PDE6B: variants seen among roughly 807,000 people sequenced by gnomAD.
PDE6B encodes phosphodiesterase 6B, also known as rod cGMP-specific 3',5'-cyclic phosphodiesterase subunit beta.
In PDE6B, 106 loss-of-function variants were observed where a neutral mutation model predicts 109.0. That is an observed-to-expected ratio of 0.97 (90% CI 0.83 to 1.14). The LOEUF (loss-of-function observed/expected upper bound fraction) is 1.14, where lower values mean the gene tolerates loss of function less well. Among genes scored for constraint, PDE6B ranks in the 50% most tolerant of loss-of-function variants. PDE6B has a pLI of 0.00. For synonymous variants in PDE6B, 490 were observed against 471.3 expected (o/e 1.04, Z -0.51); for missense variants, 1,193 against 1,155.6 (o/e 1.03, Z -0.47).
At chr4:645,457 G>A (rs530551746) in intron 3 of PDE6B, among the ~76,000 whole-genome samples, 8 of 151,512 alleles carry the variant, frequency 5.3e-5, no homozygotes, top group South Asian at 2.1e-4. Context: ...CACCACGCCC[G>A]GCTAATTTTT....
intron 17 of PDE6B, among the ~76,000 whole-genome samples, 162 bp downstream of exon 17, chr4:664,383 C>T (rs1487246270): frequency 2.6e-5 from 4 of 152,172 alleles, no homozygotes; most frequent in Non-Finnish European, 5.9e-5. Flanking sequence ...GTCCTTATTT[C>T]CCCCCAGCTC....
chr4:645,549 C>T (rs1329216356), intron 3 of PDE6B, among the ~76,000 whole-genome samples: 1 of 151,968 alleles, frequency 6.6e-6, no homozygotes. Flanking sequence ...CCCGCCTCGG[C>T]CTCCCAAAGT....
chr4:664,083 C>T (rs760468608), intron 16 of PDE6B, 31 bp from the exon 17 acceptor site: 12 of 1,455,816 alleles, frequency 8.2e-6, no homozygotes, highest in South Asian at 6.8e-5. Flanking sequence ...CACTTGCTCC[C>T]ACCTGCACCT....
At chr4:641,803 T>G (rs544677887) in intron 3 of PDE6B, among the ~76,000 whole-genome samples, 1 of 152,132 alleles carries the variant, frequency 6.6e-6, no homozygotes, top group Non-Finnish European at 1.5e-5. Flanking sequence ...TGCATCACCA[T>G]GCCCACCTAA....
intron 20 of PDE6B, 30 bp from the exon 21 acceptor site, chr4:667,826 G>A: frequency 1.2e-6 from 2 of 1,609,266 alleles, no homozygotes; most frequent in Middle Eastern, 1.7e-4. Flanking sequence ...GGCAGGACAG[G>A]ACTGGTGGTG....
intron 3 of PDE6B, among the ~76,000 whole-genome samples, chr4:641,708 G>A (rs945269951): frequency 1.3e-5 from 2 of 152,192 alleles, no homozygotes; most frequent in African/African-American, 4.8e-5. Context: ...GTGCAGTGGT[G>A]CAATCTCAGC....
rs769174906 is a variant in PDE6B at position 654,851 on chromosome 4, T to C, written c.955T>C (p.Tyr319His). ...AATTGTCTTCTACAAAGTGATCGAC[T>C]ACGTCCTCCACGGCAAGGAGGAGAT... The part of the protein sequence containing the change: ...REIVFYKVID[Y>H]VLHGKEEIKV... Residue 319 changes from tyrosine to histidine, a missense_variant, in exon 6 of 22, where the codon TAC (tyrosine) becomes CAC (histidine). Coordinates refer to ENST00000496514, the MANE Select transcript of PDE6B (RefSeq NM_000283.4). The C allele has an allele frequency of 6.3e-7, 1 of 1,577,978 alleles. No homozygotes were observed. The highest frequency in any genetic ancestry group is 1.1e-5 in the South Asian group (1 of 90,344).
Position 664,952 on chromosome 4 carries a change from C to T in PDE6B, c.2193+8C>T, listed in dbSNP as rs373237574. 1 of 1,607,616 alleles carries T rather than the reference C, an allele frequency of 6.2e-7. No homozygotes were observed. The highest frequency in any genetic ancestry group is 8.5e-7 in the Non-Finnish European group (1 of 1,174,910). ...TGGGAAGTCCAGAGCAAGGTTAGAA[C>T]AGAGGGCCCTCCAGACCCAGAGTCA... On this transcript the variant is annotated splice_region_variant and intron_variant, in intron 18 of 21. Coordinates refer to ENST00000496514, the MANE Select transcript of PDE6B (RefSeq NM_000283.4).
At chr4:635,733 T>C (rs1455701592) in intron 2 of PDE6B, 147 bp from the exon 3 acceptor site, 2 of 700,514 alleles carry the variant, frequency 2.9e-6, no homozygotes, top group Non-Finnish European at 5.3e-6. Context: ...TGAGCTTGTG[T>C]GTGCCAATCC....
At chr4:658,900 CT>C in intron 10 of PDE6B, 51 bp from the exon 11 acceptor site, 1 of 1,360,332 alleles carries the variant, frequency 7.4e-7, no homozygotes, top group South Asian at 1.2e-5. Flanking sequence ...CCGCCGTCAC[CT>C]TGTCCCACAT....
chr4:649,755 G>A (rs1181278485), intron 3 of PDE6B, among the ~76,000 whole-genome samples: 1 of 152,174 alleles, frequency 6.6e-6, no homozygotes, highest in Non-Finnish European at 1.5e-5. Context: ...CAGGGTCGGG[G>A]GGAGACTCTG....
At chr4:652,202 CAG>C (rs1735640981) in intron 3 of PDE6B, 1 of 152,540 alleles carries the variant, frequency 6.6e-6, no homozygotes, top group Non-Finnish European at 1.5e-5. Flanking sequence ...GGCTGGTGCT[CAG>C]GGGCTGCAGG....
chr4:653,853 T>C lies in PDE6B; in HGVS notation c.713T>C (p.Val238Ala). Residue 238 changes from valine to alanine, a missense_variant and splice_region_variant, in exon 4 of 22, where the codon GTG (valine) becomes GCG (alanine). Physicochemically the swap from Val to Ala is moderately conservative, Grantham distance 64. Coordinates refer to ENST00000496514, the MANE Select transcript of PDE6B (RefSeq NM_000283.4). ...CCACAGGTGTGCCCCTCCCTCCAGGTGCTGCTGTGGTCGGCCAACAAGGTG... is the reference window on the plus strand; with the variant it reads ...CCACAGGTGTGCCCCTCCCTCCAGGCGCTGCTGTGGTCGGCCAACAAGGTG... The part of the protein sequence containing the change: ...LHNCETRRGQ[V>A]LLWSANKVFE... The C allele has an allele frequency of 6.2e-6, 10 of 1,613,506 alleles. No homozygotes were observed. The highest frequency in any genetic ancestry group is 8.5e-6 in the Non-Finnish European group (10 of 1,179,998).
At chr4:650,292 G>A (rs573913822) in intron 3 of PDE6B, among the ~76,000 whole-genome samples, 5 of 152,358 alleles carry the variant, frequency 3.3e-5, no homozygotes, top group East Asian at 1.9e-4. Context: ...GACAATTCAC[G>A]TAAGAATTAG....
At chr4:638,442 C>T (rs988285249) in intron 3 of PDE6B, among the ~76,000 whole-genome samples, 1 of 152,128 alleles carries the variant, frequency 6.6e-6, no homozygotes, top group Non-Finnish European at 1.5e-5. Flanking sequence ...CCTGCCTCAG[C>T]CTCCAGAGTA....
chr4:654,315 G>A (rs1033867942), intron 5 of PDE6B, 161 bp downstream of exon 5: 2 of 721,754 alleles, frequency 2.8e-6, no homozygotes, highest in Non-Finnish European at 4.9e-6. Flanking sequence ...AGGCTCCCCT[G>A]CTGCTGCACT....
At chr4:659,745 T>G (rs2109238252) in intron 11 of PDE6B, among the ~76,000 whole-genome samples, 1 of 151,824 alleles carries the variant, frequency 6.6e-6, no homozygotes, top group Admixed American at 6.5e-5. Context: ...TGCTCACATG[T>G]GCACAGGGGG....
At chr4:668,173 A>G (rs1318336106) in intron 21 of PDE6B, among the ~76,000 whole-genome samples, 167 bp downstream of exon 21, 2 of 151,882 alleles carry the variant, frequency 1.3e-5, no homozygotes, top group Non-Finnish European at 2.9e-5. Context: ...GGCGGGGGAG[A>G]GTGGCAGCTG....
In PDE6B at chr4:635,858, CTTG is replaced by C; in HGVS notation, c.622-18_622-16del. 3 of 1,269,328 alleles carry C rather than the reference CTTG, an allele frequency of 2.4e-6. No homozygotes were observed. Among genetic ancestry groups the C allele is most frequent in the East Asian group, 4.6e-5 (2 of 43,292 alleles). The allele number at this position is 1,269,328 out of a possible 1,614,324, so 78.6% of individuals were successfully genotyped here. A position where few individuals can be genotyped will look rare whatever the true frequency, so the allele number is the denominator to read the frequency against. On this transcript the variant is annotated intron_variant, in intron 2 of 21. Coordinates refer to ENST00000496514, the MANE Select transcript of PDE6B (RefSeq NM_000283.4). ...TCTGAAAACTGGAATTTTAATTCCT[CTTG>C]TTGCAATTCCTGTTTCAGGTGTTCT...
Sources: gnomAD v4.1 joint callset for allele counts (sites outside exome capture counted in the v4.1 genomes callset) on GRCh38, gnomAD v4.1.1 for gene constraint, MANE v1.5 for transcripts, NCBI Gene and HGNC (gene_info 2026-07-23, HGNC 2026-07-21) for gene names.